The following PKHD1 variants were observed in gnomAD, a reference collection of about 807,000 sequenced individuals.
The protein encoded by PKHD1 is PKHD1 ciliary IPT domain containing fibrocystin/polyductin.
PKHD1 carries 291 observed loss-of-function variants against 412.0 expected under a neutral mutation model. That is an observed-to-expected ratio of 0.71 (90% CI 0.64 to 0.78). PKHD1 has a LOEUF of 0.78. PKHD1 is among the 30% of genes least tolerant of loss of function. PKHD1 has a pLI of 0.00. For missense variants in PKHD1, 4,825 were observed against 4,950.7 expected (o/e 0.97, Z 0.76); for synonymous variants, 1,777 against 1,821.5 (o/e 0.98, Z 0.62).
chr6:51,872,186 A>T (rs1011021593), intron 46 of PKHD1, among the ~76,000 whole-genome samples: 9 of 151,842 alleles, frequency 5.9e-5, no homozygotes, highest in Non-Finnish European at 2.9e-5. Context: ...AGGGGAAAGA[A>T]TTATCAAAGA....
At chr6:51,805,217 T>C (rs1469149303) in intron 52 of PKHD1, among the ~76,000 whole-genome samples, 1 of 152,196 alleles carries the variant, frequency 6.6e-6, no homozygotes, top group Non-Finnish European at 1.5e-5. Context: ...AATAAAATCA[T>C]GTTCTTTGCA....
At chr6:51,846,125 A>T (rs909981443) in intron 50 of PKHD1, among the ~76,000 whole-genome samples, 1 of 152,236 alleles carries the variant, frequency 6.6e-6, no homozygotes, top group African/African-American at 2.4e-5. Flanking sequence ...TTATGAATGG[A>T]TCAAATCAGA....
intron 39 of PKHD1, 50 bp downstream of exon 39, chr6:51,911,749 A>G: frequency 1.4e-6 from 2 of 1,479,182 alleles, no homozygotes; most frequent in African/African-American, 1.4e-5. Context: ...ATCAGACAGT[A>G]AGAATATTCT....
At chr6:52,067,995 G>C (rs556125144) in intron 11 of PKHD1, among the ~76,000 whole-genome samples, 2 of 152,170 alleles carry the variant, frequency 1.3e-5, no homozygotes, top group Admixed American at 6.5e-5. Context: ...TCCAGAAATG[G>C]AGAGTTGCTG....
At chr6:51,633,797 T>C (rs568331112) in intron 64 of PKHD1, among the ~76,000 whole-genome samples, 1 of 152,318 alleles carries the variant, frequency 6.6e-6, no homozygotes, top group East Asian at 1.9e-4. Flanking sequence ...ATGGTCCTTA[T>C]CCTGACTGTG....
At chr6:51,731,684 T>C (rs951620617) in intron 60 of PKHD1, among the ~76,000 whole-genome samples, 2 of 152,206 alleles carry the variant, frequency 1.3e-5, no homozygotes, top group Non-Finnish European at 2.9e-5. Context: ...CAGGGATAAA[T>C]AGAGTCTACT....
intron 16 of PKHD1, among the ~76,000 whole-genome samples, chr6:52,057,969 CTCAA>C (rs1306281841): frequency 6.6e-6 from 1 of 152,146 alleles, no homozygotes; most frequent in African/African-American, 2.4e-5. Flanking sequence ...GAAATAGGAC[CTCAA>C]TCAGTCAAAA....
chr6:51,807,485 A>ATGTGTGTGTGTGTGTGTG (rs567506746), intron 52 of PKHD1, among the ~76,000 whole-genome samples: 8 of 111,794 alleles, frequency 7.2e-5, no homozygotes, highest in Non-Finnish European at 1.4e-4. Context: ...ATATATGTAT[A>ATGTGTGTGTGTGTGTGTG]TGTGTGTGTG....
chr6:51,834,044 C>A (rs1455871751), intron 51 of PKHD1, among the ~76,000 whole-genome samples: 1 of 152,132 alleles, frequency 6.6e-6, no homozygotes, highest in Non-Finnish European at 1.5e-5. Context: ...GGCCTCCACA[C>A]CTTTGCTCTT....
chr6:51,660,798 C>T (rs1363990336), intron 60 of PKHD1, among the ~76,000 whole-genome samples: 2 of 152,154 alleles, frequency 1.3e-5, no homozygotes, highest in African/African-American at 2.4e-5. Context: ...CGTTCAGCCA[C>T]CTGAAAGCTC....
rs538507077 is a variant in PKHD1 at position 52,070,368 on chromosome 6, G to T, written c.707+38C>A. On this transcript the variant is annotated intron_variant, in intron 10 of 66. Coordinates refer to ENST00000371117, the MANE Select transcript of PKHD1 (RefSeq NM_138694.4). The stretch of plus-strand genomic sequence containing the variant: ...ATGAGAGAGATAGGTAATATAAAAT[G>T]AAGACAAATTTGCCTATTTCTATAC... 1.8e-4 allele frequency: 224 copies of T among 1,276,426 alleles called. 2 individuals are homozygous for T. The South Asian group carries it at 2.6e-3, about 15-fold the overall frequency. The allele number at this position is 1,276,426 out of a possible 1,614,324, so 79.1% of individuals were successfully genotyped here. A position where few individuals can be genotyped will look rare whatever the true frequency, so the allele number is the denominator to read the frequency against.
intron 55 of PKHD1, among the ~76,000 whole-genome samples, chr6:51,770,851 T>C (rs1789974116): frequency 6.6e-6 from 1 of 152,022 alleles, no homozygotes; most frequent in Non-Finnish European, 1.5e-5. Flanking sequence ...AGTTACTCAA[T>C]CAAACACTAA....
chr6:51,664,357 C>A (rs1773363411), intron 60 of PKHD1, among the ~76,000 whole-genome samples: 1 of 152,172 alleles, frequency 6.6e-6, no homozygotes. Flanking sequence ...GGGTTTGAAT[C>A]GTGCAGGGTT....
chr6:51,862,653 C>T (rs7769465), intron 48 of PKHD1, among the ~76,000 whole-genome samples: 61,141 of 151,932 alleles, frequency 0.4, 13,490 homozygotes, highest in East Asian at 0.85. Flanking sequence ...AGAGTGGTTA[C>T]ATAGGTAAAA....
rs1371496393 is a variant in PKHD1 at position 51,659,903 on chromosome 6, G to A, written c.10223C>T (p.Thr3408Ile). The A allele has an allele frequency of 6.2e-7, 1 of 1,612,316 alleles. No individual in the cohort carries two copies. The highest frequency in any genetic ancestry group is 8.5e-7 in the Non-Finnish European group (1 of 1,178,554). Residue 3408 changes from threonine (T) to isoleucine (I), a missense_variant, in exon 61 of 67, where the codon ACT becomes ATT. Transcript: ENST00000371117. ...ATCAAGAATTAGGACCACTTGGTCA[G>A]TCTGTTTGCAGATGAATCCTTGCAT... ...FLMQGFICKQTDQVVLILDSA... is the reference protein window; with the variant it reads ...FLMQGFICKQIDQVVLILDSA...
intron 36 of PKHD1, among the ~76,000 whole-genome samples, chr6:51,940,244 C>T (rs1026211809): frequency 1.3e-5 from 2 of 151,658 alleles, no homozygotes; most frequent in African/African-American, 4.8e-5. Flanking sequence ...TTCCGGCCCT[C>T]AAACCCCACA....
intron 49 of PKHD1, among the ~76,000 whole-genome samples, chr6:51,849,636 T>G (rs1771839572): frequency 6.6e-6 from 1 of 152,230 alleles, no homozygotes; most frequent in South Asian, 2.1e-4. Flanking sequence ...TGCATTTCTC[T>G]GATGATCAAT....
intron 35 of PKHD1, among the ~76,000 whole-genome samples, chr6:52,007,363 T>G (rs1799219999): frequency 6.6e-6 from 1 of 152,186 alleles, no homozygotes; most frequent in Non-Finnish European, 1.5e-5. Flanking sequence ...AAGGAATTCT[T>G]GAATTTGGAA....
rs770361881 is a variant in PKHD1, at chr6:51,856,058, A to T, written c.7746T>A (p.Pro2582=). The T allele has an allele frequency of 1.9e-6, 3 of 1,600,510 alleles. No homozygotes were observed. The highest frequency in any genetic ancestry group is 2.6e-6 in the Non-Finnish European group (3 of 1,168,250). ...TCATGGTTAAATCATAAGAAACTTCAGGAGTATTCGCTCTAAGGTGATTTT... is the reference window on the plus strand; with the variant it reads ...TCATGGTTAAATCATAAGAAACTTCTGGAGTATTCGCTCTAAGGTGATTTT... ...HRMSIGLANT[P]EVSYDLTMTD... The change falls in exon 49 of 67, where the codon CCT becomes CCA. Residue 2582 remains proline, a synonymous_variant. Transcript: ENST00000371117.
Sources: allele counts gnomAD v4.1 joint callset (sites outside exome capture counted in the v4.1 genomes callset), GRCh38; gene constraint gnomAD v4.1.1; transcripts MANE v1.5; gene names NCBI Gene and HGNC (gene_info 2026-07-23, HGNC 2026-07-21).